KLHL1: variants seen among roughly 807,000 people sequenced by gnomAD.
The protein encoded by KLHL1 is kelch-like protein 1.
KLHL1 carries 47 observed loss-of-function variants against 77.7 expected under a neutral mutation model. That is an observed-to-expected ratio of 0.60 (90% CI 0.48 to 0.77). The LOEUF is 0.77. Among genes scored for constraint, KLHL1 ranks in the 30% least tolerant of loss-of-function variants. The pLI, the probability that KLHL1 is intolerant of heterozygous loss-of-function variation, is 0.00. For synonymous variants in KLHL1, 360 were observed against 325.2 expected (o/e 1.11, Z -1.15); for missense variants, 925 against 910.8 (o/e 1.02, Z -0.20).
intron 7 of KLHL1, among the ~76,000 whole-genome samples, chr13:69,772,108 C>T (rs183591861): frequency 2.0e-5 from 3 of 151,988 alleles, no homozygotes; most frequent in East Asian, 1.9e-4. Flanking sequence ...CCTGCCACCA[C>T]GCCCAGCTAA....
At chr13:69,772,356 A>G (rs1346631059) in intron 7 of KLHL1, among the ~76,000 whole-genome samples, 1 of 151,846 alleles carries the variant, frequency 6.6e-6, no homozygotes, top group Non-Finnish European at 1.5e-5. Context: ...TAGAACAGCA[A>G]ATTTTTTCTC....
At chr13:69,995,315 A>C (rs1195061972) in intron 1 of KLHL1, among the ~76,000 whole-genome samples, 2 of 152,092 alleles carry the variant, frequency 1.3e-5, no homozygotes, top group East Asian at 3.9e-4. Context: ...CAGAGGTAAA[A>C]AAAATTGATC....
Position 70,107,656 on chromosome 13 carries a change from A to G in KLHL1, c.44T>C (p.Leu15Pro). 1.9e-6 allele frequency: 3 copies of G among 1,545,398 alleles called. No homozygotes were observed. The highest frequency in any genetic ancestry group is 2.6e-6 in the Non-Finnish European group (3 of 1,150,718). The change falls in exon 1 of 11, where the codon CTG becomes CCG. Residue 15 changes from leucine to proline, a missense_variant. Physicochemically the swap from Leu to Pro is moderately conservative, Grantham distance 98. Coordinates refer to ENST00000377844, the MANE Select transcript of KLHL1 (RefSeq NM_020866.3). Reference sequence around the variant, plus strand: ...GCTGAAGAGTTTCCAGCGGAGTCGCAGAATGTGCTTCACATCGAAGTCTTT... The same window carrying G: ...GCTGAAGAGTTTCCAGCGGAGTCGCGGAATGTGCTTCACATCGAAGTCTTT... ...GRKDFDVKHI[L>P]RLRWKLFSHP...
chr13:70,077,799 CAT>C (rs1451025507), intron 1 of KLHL1, among the ~76,000 whole-genome samples: 3 of 151,860 alleles, frequency 2.0e-5, no homozygotes, highest in Non-Finnish European at 4.4e-5. Flanking sequence ...ATTTTAGAAA[CAT>C]ATTATATACA....
chr13:69,910,479 G>A (rs879816439), intron 4 of KLHL1, among the ~76,000 whole-genome samples: 79 of 152,070 alleles, frequency 5.2e-4, no homozygotes, highest in Admixed American at 2.9e-3. Context: ...TTCATACCAC[G>A]GCCATCAAAA....
chr13:69,942,958 T>C (rs1255432472), intron 3 of KLHL1, among the ~76,000 whole-genome samples: 2 of 152,184 alleles, frequency 1.3e-5, no homozygotes, highest in South Asian at 2.1e-4. Context: ...AGATTCCTTT[T>C]ATCTAGAACT....
At chr13:70,044,542 A>C (rs1217379399) in intron 1 of KLHL1, among the ~76,000 whole-genome samples, 2 of 152,096 alleles carry the variant, frequency 1.3e-5, no homozygotes, top group Non-Finnish European at 2.9e-5. Context: ...CAGTTTATGG[A>C]AAATTTCTTT....
intron 7 of KLHL1, among the ~76,000 whole-genome samples, chr13:69,778,891 C>T (rs140554332): frequency 1.0e-3 from 157 of 150,270 alleles, no homozygotes; most frequent in African/African-American, 3.6e-3. Flanking sequence ...TTCCACCTTC[C>T]GGGTTCAAGC....
rs73508462 is a variant in KLHL1 at position 69,870,196 on chromosome 13, A to G, written c.1227+12087T>C. On this transcript the variant is annotated intron_variant, in intron 5 of 10. Transcript: ENST00000377844. ...GAGCATCTGCTTTAGGTAAGTCTCA[A>G]GATGCTGCCACTCGTAGTGGAAGTT... Among the ~76,000 whole-genome samples, 1,360 of 152,272 alleles carry G rather than the reference A, an allele frequency of 8.9e-3. 32 individuals carry two copies. Among genetic ancestry groups the G allele is most frequent in the African/African-American group, 0.031 (1,301 of 41,560 alleles).
At chr13:69,914,515 T>C (rs2138250679) in intron 4 of KLHL1, among the ~76,000 whole-genome samples, 1 of 152,092 alleles carries the variant, frequency 6.6e-6, no homozygotes, top group East Asian at 1.9e-4. Flanking sequence ...TTAGAGAAAA[T>C]AACTTGACAG....
chr13:69,787,083 C>A (rs1336280336), intron 7 of KLHL1, among the ~76,000 whole-genome samples: 1 of 152,086 alleles, frequency 6.6e-6, no homozygotes, highest in East Asian at 1.9e-4. Flanking sequence ...GGCCATACTG[C>A]CCAAGGTAAT....
chr13:69,793,027 T>G (rs1876936889), intron 7 of KLHL1, among the ~76,000 whole-genome samples: 1 of 152,102 alleles, frequency 6.6e-6, no homozygotes, highest in Admixed American at 6.6e-5. Flanking sequence ...AACTTTATGA[T>G]ATGTGAATTA....
chr13:69,870,416 C>T (rs1880533989), intron 5 of KLHL1, among the ~76,000 whole-genome samples: 1 of 152,106 alleles, frequency 6.6e-6, no homozygotes, highest in Non-Finnish European at 1.5e-5. Context: ...TCAAGTCCAA[C>T]ATTGGGTAGC....
chr13:70,101,958 A>C (rs1487275823), intron 1 of KLHL1, among the ~76,000 whole-genome samples: 2 of 152,138 alleles, frequency 1.3e-5, no homozygotes, highest in Non-Finnish European at 1.5e-5. Flanking sequence ...AGCAAAAAAA[A>C]AAAAACAAAG....
chr13:69,942,518 A>G (rs2138305298), intron 3 of KLHL1, among the ~76,000 whole-genome samples: 1 of 152,166 alleles, frequency 6.6e-6, no homozygotes, highest in South Asian at 2.1e-4. Context: ...AAACTTTTGG[A>G]CAGAATATTT....
intron 7 of KLHL1, among the ~76,000 whole-genome samples, chr13:69,756,783 ATG>A (rs1874763245): frequency 6.6e-6 from 1 of 152,164 alleles, no homozygotes; most frequent in African/African-American, 2.4e-5. Context: ...TTATAACTAA[ATG>A]TATTAAATAT....
intron 10 of KLHL1, among the ~76,000 whole-genome samples, chr13:69,703,345 T>C (rs1002942757): frequency 2.0e-5 from 3 of 151,220 alleles, no homozygotes; most frequent in Admixed American, 6.6e-5. Context: ...AGAATAAGGA[T>C]ATAAAGAAAA....
chr13:70,009,967 G>A (rs1885492660), intron 1 of KLHL1, among the ~76,000 whole-genome samples: 1 of 151,766 alleles, frequency 6.6e-6, no homozygotes, highest in African/African-American at 2.4e-5. Context: ...CATTTTAAGA[G>A]TAACCAAAGG....
intron 1 of KLHL1, among the ~76,000 whole-genome samples, chr13:69,981,519 T>C (rs1884707037): frequency 6.6e-6 from 1 of 152,052 alleles, no homozygotes; most frequent in Non-Finnish European, 1.5e-5. Flanking sequence ...TAGTAAAAGA[T>C]GACTTTATTT....
Sources: allele counts gnomAD v4.1 joint callset (sites outside exome capture counted in the v4.1 genomes callset), GRCh38; gene constraint gnomAD v4.1.1; transcripts MANE v1.5; gene names NCBI Gene and HGNC (gene_info 2026-07-23, HGNC 2026-07-21).